Variants in SLCO1B1 observed in about 807,000 individuals in gnomAD.
The protein encoded by SLCO1B1 is OATP-2.
SLCO1B1 carries 81 observed loss-of-function variants against 70.1 expected under a neutral mutation model. The ratio of observed to expected loss-of-function variants is 1.16; its 90% CI spans 0.97 to 1.39. The LOEUF is 1.39. SLCO1B1 is among the 40% of genes most tolerant of loss of function. SLCO1B1 has a pLI of 0.00. For missense variants in SLCO1B1, 895 were observed against 799.6 expected (o/e 1.12, Z -1.44); for synonymous variants, 283 against 271.5 (o/e 1.04, Z -0.42).
intron 2 of SLCO1B1, among the ~76,000 whole-genome samples, chr12:21,152,902 G>C (rs927717707): frequency 6.6e-6 from 1 of 152,154 alleles, no homozygotes; most frequent in Non-Finnish European, 1.5e-5. Flanking sequence ...AGCTCCTGGA[G>C]GGAAAACTCA....
intron 2 of SLCO1B1, among the ~76,000 whole-genome samples, chr12:21,146,491 T>G (rs1467183560): frequency 6.6e-6 from 1 of 152,170 alleles, no homozygotes; most frequent in African/African-American, 2.4e-5. Flanking sequence ...ACTTAAAATT[T>G]AATTTGCTTT....
chr12:21,137,918 T>C (rs1940250981), intron 1 of SLCO1B1, among the ~76,000 whole-genome samples: 1 of 152,194 alleles, frequency 6.6e-6, no homozygotes, highest in Non-Finnish European at 1.5e-5. Flanking sequence ...ATCACCAGTC[T>C]TCTGTGTTGC....
In SLCO1B1 at chr12:21,200,681, T is replaced by G. The variant is rs780350552; in HGVS notation, c.1135+9T>G. The G allele has an allele frequency of 8.7e-6, 14 of 1,609,270 alleles. No individual in the cohort carries two copies. The highest frequency in any genetic ancestry group is 1.2e-5 in the Non-Finnish European group (14 of 1,177,062). On this transcript the variant is annotated intron_variant, in intron 9 of 14. Coordinates refer to ENST00000256958, the MANE Select transcript of SLCO1B1 (RefSeq NM_006446.5). The stretch of plus-strand genomic sequence containing the variant: ...GGCTAACATCTTATTGGGTAAGACA[T>G]ATTTTTTACTTGTGTGCTTAATAAG...
chr12:21,156,771 T>G (rs1371955079), intron 2 of SLCO1B1, among the ~76,000 whole-genome samples: 1 of 152,204 alleles, frequency 6.6e-6, no homozygotes, highest in African/African-American at 2.4e-5. Context: ...TTTATAATTT[T>G]TCACTCTGTA....
chr12:21,168,842 C>G (rs1940724086), intron 2 of SLCO1B1, among the ~76,000 whole-genome samples: 1 of 152,042 alleles, frequency 6.6e-6, no homozygotes, highest in Admixed American at 6.6e-5. Context: ...TATCTTTTCA[C>G]CTGTTGTTTT....
intron 7 of SLCO1B1, among the ~76,000 whole-genome samples, chr12:21,187,042 T>C (rs1409110508): frequency 2.0e-5 from 3 of 152,044 alleles, no homozygotes; most frequent in Non-Finnish European, 4.4e-5. Context: ...AAGAAAATCA[T>C]TGAGAAAGCA....
intron 7 of SLCO1B1, 96 bp from the exon 8 acceptor site, chr12:21,196,850 G>A (rs1941097702): frequency 3.2e-6 from 4 of 1,269,544 alleles, no homozygotes; most frequent in African/African-American, 1.5e-5. Flanking sequence ...TCTTGGAATT[G>A]AGGAAATGTA....
intron 2 of SLCO1B1, among the ~76,000 whole-genome samples, chr12:21,149,886 G>C (rs1005145825): frequency 1.3e-5 from 2 of 152,150 alleles, no homozygotes; most frequent in African/African-American, 4.8e-5. Context: ...GCTGAAGCTA[G>C]GGAACCAAGT....
At chr12:21,224,955 G>A (rs980215510) in intron 14 of SLCO1B1, 116 bp downstream of exon 14, 1 of 598,910 alleles carries the variant, frequency 1.7e-6, no homozygotes, top group African/African-American at 1.9e-5. Flanking sequence ...AATGAAAACT[G>A]ACTTTGCATG....
chr12:21,219,751 A>G (rs939494551), intron 12 of SLCO1B1, among the ~76,000 whole-genome samples: 1 of 152,074 alleles, frequency 6.6e-6, no homozygotes, highest in Non-Finnish European at 1.5e-5. Flanking sequence ...GTTTTGCTTT[A>G]TTTTATTATA....
At position 21,170,409 on chromosome 12, in the gene SLCO1B1, T is replaced by C. The variant is rs1591807420; in HGVS notation, c.85-2241T>C. On this transcript the variant is annotated intron_variant, in intron 2 of 14. Transcript: ENST00000256958. The stretch of plus-strand genomic sequence containing the variant: ...TACATATGTTGTTAATATTGTGTCT[T>C]GCTGTTGAGGTTCCAGGGCTGTTCT... 5.3e-5 allele frequency among the ~76,000 whole-genome samples: 8 copies of C among 152,292 alleles called. No homozygotes were observed. The South Asian group carries it at 1.7e-3, about 32-fold the overall frequency.
chr12:21,212,407 G>C (rs1941298647), intron 11 of SLCO1B1, among the ~76,000 whole-genome samples: 1 of 128,276 alleles, frequency 7.8e-6, no homozygotes, highest in African/African-American at 3.0e-5. Context: ...GTTCTAGTTT[G>C]ATTGCACTGT....
At chr12:21,200,901 G>A (rs1199792158) in intron 9 of SLCO1B1, among the ~76,000 whole-genome samples, 1 of 151,966 alleles carries the variant, frequency 6.6e-6, no homozygotes, top group Non-Finnish European at 1.5e-5. Flanking sequence ...AAAAAATGTT[G>A]CAAATAAATG....
At chr12:21,235,118 T>C (rs1941583727) in intron 14 of SLCO1B1, among the ~76,000 whole-genome samples, 1 of 146,554 alleles carries the variant, frequency 6.8e-6, no homozygotes, top group African/African-American at 2.5e-5. Context: ...GCCTTGATGA[T>C]GTGCCTGCCT....
intron 13 of SLCO1B1, among the ~76,000 whole-genome samples, chr12:21,223,287 C>G (rs1441999528): frequency 6.6e-6 from 1 of 152,030 alleles, no homozygotes; most frequent in Non-Finnish European, 1.5e-5. Context: ...GGAAAAAATA[C>G]ACATTTAGTA....
chr12:21,170,485 A>C (rs1176634008), intron 2 of SLCO1B1, among the ~76,000 whole-genome samples: 1 of 152,138 alleles, frequency 6.6e-6, no homozygotes, highest in Non-Finnish European at 1.5e-5. Flanking sequence ...CTTTTTAATA[A>C]AATGATTTTT....
At chr12:21,232,301 CT>C (rs1387742679) in intron 14 of SLCO1B1, among the ~76,000 whole-genome samples, 1 of 152,208 alleles carries the variant, frequency 6.6e-6, no homozygotes, top group Non-Finnish European at 1.5e-5. Flanking sequence ...CTTGCAAAGG[CT>C]TTTAACTGCT....
chr12:21,139,080 G>A (rs1477954024), intron 1 of SLCO1B1, among the ~76,000 whole-genome samples: 1 of 152,026 alleles, frequency 6.6e-6, no homozygotes, highest in Non-Finnish European at 1.5e-5. Flanking sequence ...TGGGACAATA[G>A]CCTTCAAGAC....
chr12:21,217,785 T>C (rs181231319), intron 12 of SLCO1B1, among the ~76,000 whole-genome samples: 4 of 152,062 alleles, frequency 2.6e-5, no homozygotes, highest in African/African-American at 9.6e-5. Flanking sequence ...TGTAGAAAAA[T>C]AAAAAAATAC....
Sources: allele counts gnomAD v4.1 joint callset (sites outside exome capture counted in the v4.1 genomes callset), GRCh38; gene constraint gnomAD v4.1.1; transcripts MANE v1.5; gene names NCBI Gene and HGNC (gene_info 2026-07-23, HGNC 2026-07-21).